The following CASZ1 variants were observed in gnomAD, a reference collection of about 807,000 sequenced individuals.
CASZ1 encodes zinc finger protein castor homolog 1.
A neutral mutation model predicts 135.2 loss-of-function variants in CASZ1; 28 were observed. The observed-to-expected ratio is 0.21, with a 90% confidence interval of 0.15 to 0.28. The LOEUF (loss-of-function observed/expected upper bound fraction) is 0.28, where lower values mean the gene tolerates loss of function less well. Among genes scored for constraint, CASZ1 ranks in the 10% least tolerant of loss-of-function variants. The pLI is 1.00. For synonymous variants in CASZ1, 1,068 were observed against 1,073.4 expected, an observed-to-expected ratio of 0.99 and a Z score of 0.10; for missense variants, 2,161 against 2,453.3, an observed-to-expected ratio of 0.88 and a Z score of 2.52.
At chr1:10,663,801 T>C (rs971286150) in intron 5 of CASZ1, among the ~76,000 whole-genome samples, 1 of 152,202 alleles carries the variant, frequency 6.6e-6, no homozygotes, top group Non-Finnish European at 1.5e-5. Context: ...GGGCGAGGCC[T>C]GGATCCCTGA....
chr1:10,674,208 C>T (rs74797843), intron 4 of CASZ1, among the ~76,000 whole-genome samples: 49 of 152,382 alleles, frequency 3.2e-4, no homozygotes, highest in Non-Finnish European at 6.3e-4. Context: ...ACCATCACCC[C>T]TACCTGGGCA....
chr1:10,641,809 G>A (rs284252), intron 20 of CASZ1, among the ~76,000 whole-genome samples: 47,488 of 152,074 alleles, frequency 0.31, 9,106 homozygotes, highest in African/African-American at 0.54. Flanking sequence ...CCTGGCAGCA[G>A]TGCTCTGGCC....
rs1336143396 is a variant in CASZ1 at position 10,726,640 on chromosome 1, G to A, written c.-76-21096C>T. Among the ~76,000 whole-genome samples the A allele has an allele frequency of 6.6e-6, 1 of 152,228 alleles. No individual in the cohort carries two copies. The highest frequency in any genetic ancestry group is 1.5e-5 in the Non-Finnish European group (1 of 68,028). On this transcript the variant is annotated intron_variant, in intron 2 of 20. Coordinates refer to ENST00000377022, the MANE Select transcript of CASZ1 (RefSeq NM_001079843.3). This position sits in a 1 kb window ranked among gnomAD's most constrained non-coding sequence, Gnocchi z 5.7. ...CCCTGGCGCTGTGCGGCCCCTGCCT[G>A]GGTGCGGTGCCAGCTCACTACACCA... is the stretch of plus-strand genomic sequence containing the variant.
intron 3 of CASZ1, among the ~76,000 whole-genome samples, chr1:10,703,715 CG>C (rs1639110835): frequency 6.6e-6 from 1 of 152,084 alleles, no homozygotes; most frequent in African/African-American, 2.4e-5. Flanking sequence ...ACCTCTCGAG[CG>C]GGGGCCGGAA....
rs1242542346 is a variant in CASZ1, at chr1:10,707,808, G to A, written c.-76-2264C>T. On this transcript the variant is annotated intron_variant, in intron 2 of 20. Coordinates refer to ENST00000377022, the MANE Select transcript of CASZ1 (RefSeq NM_001079843.3). The surrounding 1 kb of genome is among the most constrained non-coding windows in gnomAD (Gnocchi z 5.0). Reference sequence around the variant, plus strand: ...TGTCTGCTTTGTGAGTGGCCCATATGAGTGAGTGGCCAGCACATCTGGGAC... The same window carrying A: ...TGTCTGCTTTGTGAGTGGCCCATATAAGTGAGTGGCCAGCACATCTGGGAC... 6.6e-6 allele frequency among the ~76,000 whole-genome samples: 1 copy of A among 152,150 alleles called. No individual in the cohort carries two copies. Among genetic ancestry groups the A allele is most frequent in the Non-Finnish European group, 1.5e-5 (1 of 68,026 alleles).
Position 10,649,128 on chromosome 1 carries a change from C to G in CASZ1, c.3100G>C (p.Val1034Leu). 2.5e-6 allele frequency: 4 copies of G among 1,613,746 alleles called. No individual in the cohort carries two copies. The highest frequency in any genetic ancestry group is 3.4e-6 in the Non-Finnish European group (4 of 1,180,028). Residue 1034 changes from valine to leucine, a missense_variant, in exon 15 of 21, where the codon GTG becomes CTG. Val to Leu is a conservative substitution (Grantham distance 32). Around this residue, in one of 7 missense-constraint regions of CASZ1, gnomAD observed 349 missense variants for 460.8 expected, o/e 0.76. Transcript: ENST00000377022. ...AAGAGCGCGCCGCATTCCTCCACCA[C>G]GCAGTGGAAGTGGGCCTTGTGGAGG... The part of the protein sequence containing the change: ...DFLHKAHFHC[V>L]VEECGALFST...
At chr1:10,795,985 A>C (rs1055724473) in intron 1 of CASZ1, among the ~76,000 whole-genome samples, 10 of 149,444 alleles carry the variant, frequency 6.7e-5, no homozygotes, top group Non-Finnish European at 1.2e-4. Context: ...AGTCTTGCAA[A>C]GTCACCCCAG....
In CASZ1 at chr1:10,762,057, C is replaced by T. The variant is rs560867866; in HGVS notation, c.-233-1200G>A. On this transcript the variant is annotated intron_variant, in intron 1 of 20. Transcript: ENST00000377022. The surrounding 1 kb of genome is among the most constrained non-coding windows in gnomAD (Gnocchi z 4.1). ...GCCCTGCAGGTTCTCCAACTTGGCC[C>T]GGCCCTCAGAGTCCCCGGAGGCCTT... 4.6e-5 allele frequency among the ~76,000 whole-genome samples: 7 copies of T among 152,320 alleles called. No homozygotes were observed. In the East Asian group the frequency reaches 5.8e-4, roughly 13 times the overall value.
chr1:10,789,602 C>A (rs1003416734), intron 1 of CASZ1, among the ~76,000 whole-genome samples: 1 of 151,768 alleles, frequency 6.6e-6, no homozygotes, highest in Non-Finnish European at 1.5e-5. Context: ...TCTTTCTCTA[C>A]GTGTCTTTTC....
intron 3 of CASZ1, chr1:10,704,660 G>A (rs1202329027): frequency 6.6e-6 from 1 of 152,328 alleles, no homozygotes; most frequent in Non-Finnish European, 1.5e-5. Context: ...CAGGTTTGGA[G>A]CCAGGCGCAC....
chr1:10,677,535 T>C (rs1373829952), intron 4 of CASZ1, among the ~76,000 whole-genome samples: 1 of 151,940 alleles, frequency 6.6e-6, no homozygotes, highest in Non-Finnish European at 1.5e-5. Flanking sequence ...TGCACTTAGG[T>C]CCAACGCACC....
rs1169643517 is a variant in CASZ1 at position 10,777,953 on chromosome 1, C to G, written c.-233-17096G>C. On this transcript the variant is annotated intron_variant, in intron 1 of 20. Coordinates refer to ENST00000377022, the MANE Select transcript of CASZ1 (RefSeq NM_001079843.3). The surrounding 1 kb of genome is among the most constrained non-coding windows in gnomAD (Gnocchi z 4.4). ...CACACCATTTCACACTATGTCACAACCACATACAATCTCATACGCAATCGC... is the reference window on the plus strand; with the variant it reads ...CACACCATTTCACACTATGTCACAAGCACATACAATCTCATACGCAATCGC... Among the ~76,000 whole-genome samples the G allele has an allele frequency of 6.6e-6, 1 of 151,876 alleles. No homozygotes were observed. Among genetic ancestry groups the G allele is most frequent in the Admixed American group, 6.6e-5 (1 of 15,244 alleles).
At position 10,694,584 on chromosome 1, in the gene CASZ1, C is replaced by CCCGCCG. The variant is rs1171158662; in HGVS notation, c.-23-678_-23-673dup. 647 of 137,436 alleles carry CCCGCCG rather than the reference C, an allele frequency of 4.7e-3. 5 individuals are homozygous for CCCGCCG. The highest frequency in any genetic ancestry group is 8.8e-3 in the Middle Eastern group (2 of 226). 8.5% of individuals were successfully genotyped at this position (137,436 alleles called of 1,614,324 possible). On this transcript the variant is annotated intron_variant, in intron 3 of 20. Transcript: ENST00000377022. This position sits in a 1 kb window ranked among gnomAD's most constrained non-coding sequence, Gnocchi z 6.6. ...GGCAGGTGAAAGAGCAGAGCGCGGC[C>CCCGCCG]CCGCCGCCGCCGCCGCCGCCGCCGC...
chr1:10,652,149 C>A (rs1642612994), intron 11 of CASZ1: 1 of 152,334 alleles, frequency 6.6e-6, no homozygotes, highest in Non-Finnish European at 1.5e-5. Context: ...AACGGCCCAG[C>A]TCCCCTGCCA....
chr1:10,770,724 A>AC (rs977547068), intron 1 of CASZ1, among the ~76,000 whole-genome samples: 3 of 152,064 alleles, frequency 2.0e-5, no homozygotes, highest in African/African-American at 7.2e-5. Flanking sequence ...TCCCAGCCCC[A>AC]CCCCATCAGT....
intron 4 of CASZ1, among the ~76,000 whole-genome samples, chr1:10,668,123 G>A (rs1643292334): frequency 6.6e-6 from 1 of 152,154 alleles, no homozygotes; most frequent in Non-Finnish European, 1.5e-5. Flanking sequence ...GCAGAGGTAG[G>A]GCTTAGGTTT....
intron 2 of CASZ1, among the ~76,000 whole-genome samples, chr1:10,737,629 A>G (rs949336228): frequency 1.3e-5 from 2 of 152,178 alleles, no homozygotes; most frequent in African/African-American, 4.8e-5. Context: ...ACATGGCTGT[A>G]AGGGTTGGGG....
intron 4 of CASZ1, among the ~76,000 whole-genome samples, chr1:10,681,904 A>G (rs1638435095): frequency 6.6e-6 from 1 of 152,132 alleles, no homozygotes; most frequent in African/African-American, 2.4e-5. Context: ...AACGCCCTTC[A>G]CAGGGCTCTA....
chr1:10,701,625 C>A lies in CASZ1; in HGVS notation c.-24+3867G>T, dbSNP rs1639062992. Reference sequence around the variant, plus strand: ...GAAGTACCACCAGGGCTAAGGGGAGCTTCTGTCCTGCTCCTCCAGCCTGAC... The same window carrying A: ...GAAGTACCACCAGGGCTAAGGGGAGATTCTGTCCTGCTCCTCCAGCCTGAC... On this transcript the variant is annotated intron_variant, in intron 3 of 20. Transcript: ENST00000377022. This position sits in a 1 kb window ranked among gnomAD's most constrained non-coding sequence, Gnocchi z 6.3. 6.6e-6 allele frequency among the ~76,000 whole-genome samples: 1 copy of A among 152,186 alleles called. No homozygotes were observed. Among genetic ancestry groups the A allele is most frequent in the Non-Finnish European group, 1.5e-5 (1 of 68,026 alleles).
Sources: gnomAD v4.1 joint callset for allele counts (sites outside exome capture counted in the v4.1 genomes callset) on GRCh38, gnomAD v4.1.1 for gene constraint, gnomAD v4.1.1 regional missense constraint, Gnocchi (gnomAD v3.1) non-coding constraint, MANE v1.5 for transcripts, NCBI Gene and HGNC (gene_info 2026-07-23, HGNC 2026-07-21) for gene names.